NCAPD3: variants seen among roughly 807,000 people sequenced by gnomAD.
NCAPD3 encodes the protein non-SMC condensin II complex subunit D3.
A neutral mutation model predicts 182.9 loss-of-function variants in NCAPD3; 105 were observed. That is an observed-to-expected ratio of 0.57 (90% confidence interval 0.49 to 0.68). The LOEUF (loss-of-function observed/expected upper bound fraction) is 0.68. NCAPD3 is among the 30% of genes least tolerant of loss of function. The pLI, the probability that NCAPD3 is intolerant of heterozygous loss-of-function variation, is 0.00. For missense variants in NCAPD3, 1,944 were observed against 1,837.0 expected (o/e 1.06, Z -1.07); for synonymous variants, 815 against 679.9 (o/e 1.20, Z -3.09).
At chr11:134,158,213 GT>G in intron 30 of NCAPD3, 115 bp downstream of exon 30, 1 of 1,528,554 alleles carries the variant, frequency 6.5e-7, no homozygotes, top group Non-Finnish European at 8.9e-7. Context: ...GTGGAGCGGG[GT>G]GGCAGGCCAG....
At chr11:134,215,029 C>A (rs1470945057) in intron 3 of NCAPD3, among the ~76,000 whole-genome samples, 1 of 152,130 alleles carries the variant, frequency 6.6e-6, no homozygotes, top group Non-Finnish European at 1.5e-5. Context: ...CAAGGTCATA[C>A]AAAATTGGTT....
In NCAPD3 at chr11:134,152,797, G is replaced by C. The variant is rs1283301621; in HGVS notation, c.*147C>G. 1 of 632,870 alleles carries C rather than the reference G, an allele frequency of 1.6e-6. No homozygotes were observed. The highest frequency in any genetic ancestry group is 2.8e-6 in the Non-Finnish European group (1 of 360,374). The allele number at this position is 632,870 out of a possible 1,614,324, so 39.2% of individuals were successfully genotyped here. A position where few individuals can be genotyped will look rare whatever the true frequency, so the allele number is the denominator to read the frequency against. On this transcript the variant is annotated 3_prime_UTR_variant, in exon 35 of 35. Coordinates refer to ENST00000534548, the MANE Select transcript of NCAPD3 (RefSeq NM_015261.3). Reference sequence around the variant, plus strand: ...ACATCATACAGAATAGAAGGTGAGTGCCAGGCCCCTGAGGAGGAGCTCTCG... The same window carrying C: ...ACATCATACAGAATAGAAGGTGAGTCCCAGGCCCCTGAGGAGGAGCTCTCG...
intron 27 of NCAPD3, among the ~76,000 whole-genome samples, chr11:134,167,431 C>T (rs1431781994): frequency 1.2e-4 from 12 of 103,016 alleles, no homozygotes; most frequent in South Asian, 3.6e-4. Flanking sequence ...TTGGGGGAGG[C>T]GCACACTCGT....
chr11:134,184,571 A>C, intron 19 of NCAPD3, 66 bp downstream of exon 19: 2 of 1,163,764 alleles, frequency 1.7e-6, no homozygotes, highest in Non-Finnish European at 2.5e-6. Context: ...TCACACTTCA[A>C]AACACATACA....
At chr11:134,167,008 T>G (rs1401245615) in intron 27 of NCAPD3, among the ~76,000 whole-genome samples, 1 of 87,818 alleles carries the variant, frequency 1.1e-5, no homozygotes, top group Non-Finnish European at 2.1e-5. Context: ...TTAGGGGAGC[T>G]GCACACTCAC....
chr11:134,186,100 G>T (rs1944400465), intron 16 of NCAPD3: 1 of 152,010 alleles, frequency 6.6e-6, no homozygotes, highest in African/African-American at 2.4e-5. Flanking sequence ...GATATTAAAT[G>T]AGCTAAAATA....
intron 19 of NCAPD3, among the ~76,000 whole-genome samples, chr11:134,182,732 C>T (rs1035010176): frequency 6.6e-6 from 1 of 152,186 alleles, no homozygotes; most frequent in Non-Finnish European, 1.5e-5. Flanking sequence ...GCCCAAAGAC[C>T]ACAGTCCTTT....
At chr11:134,193,139 T>G (rs946554472) in intron 15 of NCAPD3, among the ~76,000 whole-genome samples, 1 of 152,186 alleles carries the variant, frequency 6.6e-6, no homozygotes, top group Non-Finnish European at 1.5e-5. Flanking sequence ...TAGTAGCTAC[T>G]AGTAAATCAG....
chr11:134,168,958 ATAGTTAT>A lies in NCAPD3; in HGVS notation c.3191_3197del (p.Asn1064MetfsTer22). On this transcript the variant is annotated frameshift_variant, in exon 25 of 35. Coordinates refer to ENST00000534548, the MANE Select transcript of NCAPD3 (RefSeq NM_015261.3). LOFTEE classifies it high-confidence loss of function. ...ACTTGTTGTACTTCTCATGCTTCTC[ATAGTTAT>A]TAAAGTGAAAAATACATTCAATGAA... 3 of 1,613,890 alleles carry A rather than the reference ATAGTTAT, an allele frequency of 1.9e-6. No individual in the cohort carries two copies. Among genetic ancestry groups the A allele is most frequent in the Non-Finnish European group, 2.5e-6 (3 of 1,179,814 alleles).
intron 22 of NCAPD3, chr11:134,177,702 A>C: frequency 2.1e-6 from 1 of 481,156 alleles, no homozygotes. Context: ...ACACTAATAA[A>C]ATCATCTTCC....
chr11:134,184,808 T>TACACACACACAC (rs770341081), intron 18 of NCAPD3, 56 bp from the exon 19 acceptor site: 30 of 955,476 alleles, frequency 3.1e-5, no homozygotes, highest in Admixed American at 8.7e-5. Flanking sequence ...TTCAGGTATA[T>TACACACACACAC]ATACACACAC....
chr11:134,165,707 G>A (rs577030347), intron 27 of NCAPD3, among the ~76,000 whole-genome samples: 74 of 142,268 alleles, frequency 5.2e-4, no homozygotes, highest in Admixed American at 4.8e-3. Flanking sequence ...TGGGGGAGGC[G>A]CACACTCGTG....
Position 134,217,093 on chromosome 11 carries a change from G to C in NCAPD3, c.225C>G (p.Ile75Met), listed in dbSNP as rs1938054214. ...ATGEHGSMESIWTFFIENNVS... is the reference protein window; with the variant it reads ...ATGEHGSMESMWTFFIENNVS... ...CATTGTTCTCAATGAAGAAGGTCCAGATACTCTGTGGGGAGACCGCAAATC... is the reference window on the plus strand; with the variant it reads ...CATTGTTCTCAATGAAGAAGGTCCACATACTCTGTGGGGAGACCGCAAATC... Residue 75 changes from isoleucine to methionine, a missense_variant, in exon 3 of 35, where the codon ATC (isoleucine) becomes ATG (methionine). Around this residue, in one of 3 missense-constraint regions of NCAPD3, gnomAD observed 131 missense variants for 133.9 expected, o/e 0.98. Coordinates refer to ENST00000534548, the MANE Select transcript of NCAPD3 (RefSeq NM_015261.3). The C allele has an allele frequency of 6.2e-7, 1 of 1,608,452 alleles. No individual in the cohort carries two copies. The highest frequency in any genetic ancestry group is 1.7e-5 in the Admixed American group (1 of 58,898).
In NCAPD3 at chr11:134,150,479, C is replaced by G. The variant is rs1314267039; in HGVS notation, c.*2465G>C. ...CCTTGGGCCCTGGCAGTGGCTGTGTCCCAGTGAGCTTTACTCACGTGGCCC... is the reference window on the plus strand; with the variant it reads ...CCTTGGGCCCTGGCAGTGGCTGTGTGCCAGTGAGCTTTACTCACGTGGCCC... On this transcript the variant is annotated 3_prime_UTR_variant, in exon 35 of 35. Coordinates refer to ENST00000534548, the MANE Select transcript of NCAPD3 (RefSeq NM_015261.3). 1 of 152,210 alleles carries G rather than the reference C, an allele frequency of 6.6e-6. No individual in the cohort carries two copies. Among genetic ancestry groups the G allele is most frequent in the Non-Finnish European group, 1.5e-5 (1 of 68,030 alleles). 9.4% of individuals were successfully genotyped at this position (152,210 alleles called of 1,614,324 possible).
At chr11:134,169,151 C>A in intron 24 of NCAPD3, 97 bp from the exon 25 acceptor site, 1 of 1,258,020 alleles carries the variant, frequency 7.9e-7, no homozygotes, top group South Asian at 1.8e-5. Flanking sequence ...GAGAGCTGTA[C>A]ATAAGCGTAG....
chr11:134,204,991 A>G lies in NCAPD3; in HGVS notation c.1017-20T>C. The G allele has an allele frequency of 6.3e-7, 1 of 1,591,650 alleles. No individual in the cohort carries two copies. Among genetic ancestry groups the G allele is most frequent in the East Asian group, 2.2e-5 (1 of 44,744 alleles). On this transcript the variant is annotated intron_variant, in intron 8 of 34. Coordinates refer to ENST00000534548, the MANE Select transcript of NCAPD3 (RefSeq NM_015261.3). This position sits in a 1 kb window ranked among gnomAD's most constrained non-coding sequence, Gnocchi z 4.3. The stretch of plus-strand genomic sequence containing the variant: ...AGGGCGCTTTGTAAAAGAAAAACAC[A>G]TCTACTGTTCACAATACAGTCAGCG...
chr11:134,165,455 G>A (rs1217888605), intron 27 of NCAPD3, among the ~76,000 whole-genome samples: 3 of 147,466 alleles, frequency 2.0e-5, no homozygotes, highest in South Asian at 2.3e-4. Context: ...TAGGGGAGTG[G>A]CACACTCATG....
At position 134,160,221 on chromosome 11, in the gene NCAPD3, A is replaced by G. The variant is rs971178642; in HGVS notation, c.3685-147T>C. ...CGCAAAATAAAAGTTAAGAAAGAAA[A>G]AAGCCCCCCAAGTCATGTTGCTTGA... On this transcript the variant is annotated intron_variant, in intron 28 of 34. Transcript: ENST00000534548. 3 of 734,232 alleles carry G rather than the reference A, an allele frequency of 4.1e-6. No homozygotes were observed. The African/African-American group carries it at 5.3e-5, about 13-fold the overall frequency. The allele number at this position is 734,232 out of a possible 1,614,324, so 45.5% of individuals were successfully genotyped here.
intron 28 of NCAPD3, 83 bp downstream of exon 28, chr11:134,161,698 G>T (rs1415857293): frequency 1.2e-6 from 1 of 801,136 alleles, no homozygotes; most frequent in Non-Finnish European, 2.1e-6. Context: ...TTCACGGATT[G>T]CCTGCACTGT....
Sources: allele counts gnomAD v4.1 joint callset (sites outside exome capture counted in the v4.1 genomes callset), GRCh38; gene constraint gnomAD v4.1.1; regional missense constraint gnomAD v4.1.1; non-coding constraint Gnocchi (gnomAD v3.1); transcripts MANE v1.5; gene names NCBI Gene and HGNC (gene_info 2026-07-23, HGNC 2026-07-21).